Variants in TMEM50B observed in about 807,000 individuals in gnomAD.
TMEM50B encodes the protein HCV p7-trans-regulated protein 3.
A neutral mutation model predicts 23.4 loss-of-function variants in TMEM50B; 14 were observed. The ratio of observed to expected loss-of-function variants is 0.60; its 90% CI spans 0.39 to 0.93. The LOEUF (loss-of-function observed/expected upper bound fraction) is 0.93, where lower values mean the gene tolerates loss of function less well. TMEM50B is among the 40% of genes least tolerant of loss of function. The pLI is 0.00. For missense variants in TMEM50B, 159 were observed against 193.0 expected, an observed-to-expected ratio of 0.82 and a Z score of 1.04; for synonymous variants, 64 against 62.3, an observed-to-expected ratio of 1.03 and a Z score of -0.13.
chr21:33,459,173 G>A (rs77263122), intron 5 of TMEM50B, among the ~76,000 whole-genome samples: 432 of 152,278 alleles, frequency 2.8e-3, no homozygotes, highest in Non-Finnish European at 4.5e-3. Context: ...GTCTTCCGAC[G>A]CTTCCAGAGA....
intron 8 of TMEM50B, among the ~76,000 whole-genome samples, chr21:33,436,625 G>C (rs2083954359): frequency 6.6e-6 from 1 of 151,816 alleles, no homozygotes; most frequent in South Asian, 2.1e-4. Flanking sequence ...GGAGGATTGA[G>C]GCAGGAGAAT....
chr21:33,462,507 T>TA (rs991160261), intron 4 of TMEM50B, among the ~76,000 whole-genome samples: 5 of 152,004 alleles, frequency 3.3e-5, no homozygotes, highest in African/African-American at 4.8e-5. Context: ...AAACTTCCTA[T>TA]AAAAAACAGA....
chr21:33,457,962 TC>T (rs993906057), intron 5 of TMEM50B, among the ~76,000 whole-genome samples: 2 of 152,040 alleles, frequency 1.3e-5, no homozygotes, highest in Admixed American at 6.6e-5. Context: ...CTTTAGCCAA[TC>T]CCAAGCAGCC....
chr21:33,455,830 G>A (rs773172803), intron 5 of TMEM50B, 46 bp from the exon 6 acceptor site: 17 of 1,390,852 alleles, frequency 1.2e-5, no homozygotes, highest in African/African-American at 7.1e-5. Context: ...ATAGGCAAAC[G>A]GCAGTAATAA....
chr21:33,464,905 C>G (rs1304246153), intron 4 of TMEM50B: 2 of 151,780 alleles, frequency 1.3e-5, no homozygotes, highest in African/African-American at 4.9e-5. Context: ...TTCTACTGAA[C>G]AATTTTGTTG....
intron 8 of TMEM50B, among the ~76,000 whole-genome samples, chr21:33,436,072 T>C (rs184861268): frequency 6.7e-6 from 1 of 149,898 alleles, no homozygotes; most frequent in East Asian, 2.0e-4. Flanking sequence ...CAATAAAAAA[T>C]TGTTGCCGGG....
At chr21:33,443,892 GTTTT>G (rs762875551) in intron 7 of TMEM50B, among the ~76,000 whole-genome samples, 1 of 95,806 alleles carries the variant, frequency 1.0e-5, no homozygotes, top group South Asian at 3.3e-4. Flanking sequence ...ATTCTTTGTG[GTTTT>G]TTTTTGTTTG....
At chr21:33,466,018 T>C (rs2084261394) in intron 3 of TMEM50B, among the ~76,000 whole-genome samples, 1 of 152,142 alleles carries the variant, frequency 6.6e-6, no homozygotes, top group African/African-American at 2.4e-5. Context: ...TCCCAGCACT[T>C]TGAGAGTCCA....
chr21:33,452,662 T>C (rs563957905), intron 6 of TMEM50B, among the ~76,000 whole-genome samples: 40 of 152,266 alleles, frequency 2.6e-4, no homozygotes, highest in African/African-American at 8.7e-4. Context: ...CATAAAAGGA[T>C]CAAATTGTTT....
rs2084411826 is a variant in TMEM50B, at chr21:33,479,838, C to T, written c.-42G>A. On this transcript the variant is annotated splice_region_variant and 5_prime_UTR_variant, in exon 1 of 7. Coordinates refer to ENST00000542230, the MANE Select transcript of TMEM50B (RefSeq NM_006134.7). ...CCGGAGACCCACAGACAGGACTCAC[C>T]CAGCTTCCTCAAACGCCCACGCCGA... 1 of 152,224 alleles carries T rather than the reference C, an allele frequency of 6.6e-6. No homozygotes were observed. The highest frequency in any genetic ancestry group is 2.4e-5 in the African/African-American group (1 of 41,446). The allele number at this position is 152,224 out of a possible 1,614,324, so 9.4% of individuals were successfully genotyped here.
chr21:33,466,401 TA>T (rs1210735841), intron 3 of TMEM50B, among the ~76,000 whole-genome samples: 1 of 152,130 alleles, frequency 6.6e-6, no homozygotes, highest in Non-Finnish European at 1.5e-5. Context: ...AATAATTTAA[TA>T]AAAACAAAAG....
At chr21:33,452,497 A>T (rs2084130955) in intron 6 of TMEM50B, among the ~76,000 whole-genome samples, 1 of 152,232 alleles carries the variant, frequency 6.6e-6, no homozygotes, top group Admixed American at 6.5e-5. Flanking sequence ...AGGCTGGAAG[A>T]GAGTTCATAC....
intron 1 of TMEM50B, chr21:33,479,151 T>C (rs1005790165): frequency 2.5e-5 from 5 of 202,942 alleles, no homozygotes; most frequent in Non-Finnish European, 5.2e-5. Context: ...TTAAGTACCT[T>C]TAACCAGCCT....
intron 8 of TMEM50B, chr21:33,437,126 CTT>C (rs756768721): frequency 1.5e-3 from 716 of 484,882 alleles, no homozygotes; most frequent in Non-Finnish European, 1.7e-3. Flanking sequence ...GGGTGACAAG[CTT>C]TTTTTTTTTT....
chr21:33,436,132 C>A (rs1265027253), intron 8 of TMEM50B, among the ~76,000 whole-genome samples: 1 of 148,406 alleles, frequency 6.7e-6, no homozygotes, highest in Non-Finnish European at 1.5e-5. Context: ...CCGAGGCGGG[C>A]GGATCACCTG....
intron 4 of TMEM50B, 94 bp downstream of exon 4, chr21:33,465,248 A>C: frequency 1.2e-6 from 1 of 801,844 alleles, no homozygotes; most frequent in Non-Finnish European, 2.1e-6. Flanking sequence ...TATAATCATT[A>C]CCAGTCTTGA....
At chr21:33,445,988 C>G (rs1314990146), downstream of TMEM50B, among the ~76,000 whole-genome samples, 1 of 152,114 alleles carries the variant, frequency 6.6e-6, no homozygotes, top group Non-Finnish European at 1.5e-5. Flanking sequence ...CCATAGGCCT[C>G]CGAGAATCCC....
At position 33,473,474 on chromosome 21, in the gene TMEM50B, A is replaced by C. The variant is rs576539473; in HGVS notation, c.-41-4548T>G. 3.3e-5 allele frequency among the ~76,000 whole-genome samples: 5 copies of C among 151,672 alleles called. No homozygotes were observed. In the East Asian group the frequency reaches 7.7e-4, roughly 23 times the overall value. ...TCTCGGAAGAAAAAAAAAAAAAAAA[A>C]AAAACTCAATCCCAAATTCTATACC... On this transcript the variant is annotated intron_variant, in intron 1 of 6. Coordinates refer to ENST00000542230, the MANE Select transcript of TMEM50B (RefSeq NM_006134.7).
intron 4 of TMEM50B, among the ~76,000 whole-genome samples, chr21:33,461,280 G>C (rs2084214427): frequency 6.6e-6 from 1 of 152,110 alleles, no homozygotes; most frequent in Non-Finnish European, 1.5e-5. Context: ...TTTGTTACCA[G>C]GGAAAAGATT....
Sources: allele counts gnomAD v4.1 joint callset (sites outside exome capture counted in the v4.1 genomes callset), GRCh38; gene constraint gnomAD v4.1.1; transcripts MANE v1.5; gene names NCBI Gene and HGNC (gene_info 2026-07-23, HGNC 2026-07-21).